HSPG2: variants seen among roughly 807,000 people sequenced by gnomAD.
HSPG2 encodes heparan sulfate proteoglycan 2.
In HSPG2, 278 loss-of-function variants were observed where a neutral mutation model predicts 526.6. The ratio of observed to expected loss-of-function variants is 0.53; its 90% CI spans 0.48 to 0.58. HSPG2 has a LOEUF of 0.58. HSPG2 is among the 20% of genes least tolerant of loss of function. The pLI, the probability that HSPG2 is intolerant of heterozygous loss-of-function variation, is 0.00. For synonymous variants in HSPG2, 2,465 were observed against 2,555.4 expected (o/e 0.96, Z 1.07); for missense variants, 5,354 against 6,099.5 (o/e 0.88, Z 4.07).
Position 21,888,526 on chromosome 1 carries a change from G to A in HSPG2, c.575-460C>T, listed in dbSNP as rs186549510. On this transcript the variant is annotated intron_variant, in intron 6 of 96. Transcript: ENST00000374695. Reference sequence around the variant, plus strand: ...TTGCTACGTTGCCCAAGCTGGTCTCGAACTCTTTGCCTCAAGCAATCCTCC... The same window carrying A: ...TTGCTACGTTGCCCAAGCTGGTCTCAAACTCTTTGCCTCAAGCAATCCTCC... 1.4e-4 allele frequency: 63 copies of A among 449,498 alleles called. No homozygotes were observed. In the Middle Eastern group the frequency reaches 5.4e-3, roughly 38 times the overall value. The allele number at this position is 449,498 out of a possible 1,614,324, so 27.8% of individuals were successfully genotyped here.
In HSPG2 at chr1:21,884,729, T is replaced by C. The variant is rs4654994; in HGVS notation, c.1507+38A>G. ...CCGGCTGTGGTGGGCAGCCCGGCTC[T>C]GCCCCCACACCCGGTGACACCTGCC... is the stretch of plus-strand genomic sequence containing the variant. On this transcript the variant is annotated intron_variant, in intron 12 of 96. Transcript: ENST00000374695. 1,490,629 of 1,611,110 alleles carry C rather than the reference T, an allele frequency of 0.93. 690,074 individuals are homozygous for C. Among genetic ancestry groups the C allele is most frequent in the East Asian group, 0.96 (42,979 of 44,736 alleles).
At position 21,857,326 on chromosome 1, in the gene HSPG2, G is replaced by A. The variant is rs1366740415; in HGVS notation, c.5353C>T (p.Pro1785Ser). ...CAGATGAAGGTGACGTCAGCTCCGG[G>A]GCGCACGCTCTGGCTCCGCTGCTCC... ...VEEQRSQSVR[P>S]GADVTFICTA... Residue 1785 changes from proline to serine, a missense_variant, in exon 43 of 97, where the codon CCC (proline) becomes TCC (serine). By Grantham distance (74) the Pro-to-Ser change is moderately conservative. Coordinates refer to ENST00000374695, the MANE Select transcript of HSPG2 (RefSeq NM_005529.7). 6.2e-7 allele frequency: 1 copy of A among 1,614,042 alleles called. No homozygotes were observed. The highest frequency in any genetic ancestry group is 1.1e-5 in the South Asian group (1 of 91,078).
At chr1:21,856,479 G>A (rs1178179984) in intron 44 of HSPG2, among the ~76,000 whole-genome samples, 2 of 152,008 alleles carry the variant, frequency 1.3e-5, no homozygotes, top group Non-Finnish European at 2.9e-5. Context: ...GTGCAGTGGC[G>A]CGATCTCGGC....
intron 54 of HSPG2, 29 bp downstream of exon 54, chr1:21,851,762 T>A: frequency 3.1e-6 from 5 of 1,613,980 alleles, no homozygotes; most frequent in Non-Finnish European, 4.2e-6. Flanking sequence ...GTTCTCTGCA[T>A]CCCAGCCCAG....
intron 30 of HSPG2, 138 bp from the exon 31 acceptor site, chr1:21,873,229 T>A (rs1251147980): frequency 8.7e-7 from 1 of 1,144,892 alleles, no homozygotes; most frequent in Non-Finnish European, 1.3e-6. Context: ...CCCTCGGAGG[T>A]GGTGGGGCCT....
Position 21,873,415 on chromosome 1 carries a change from A to G in HSPG2, c.3753T>C (p.Pro1251=). Residue 1251 remains proline, a synonymous_variant, in exon 30 of 97, where the codon CCT becomes CCC. Transcript: ENST00000374695. ...HSGRHCERCA[P]GYYGNPSQGQ... is the part of the protein sequence containing the mutation. ...CCTGGCTGGGGTTGCCATAGTAGCC[A>G]GGGGCGCACCTGCAGAGAGAAAAAG... 1 of 1,614,028 alleles carries G rather than the reference A, an allele frequency of 6.2e-7. No individual in the cohort carries two copies.
At chr1:21,924,868 C>T (rs1210940678) in intron 1 of HSPG2, among the ~76,000 whole-genome samples, 1 of 152,240 alleles carries the variant, frequency 6.6e-6, no homozygotes, top group East Asian at 1.9e-4. Context: ...CCAGCCAAAT[C>T]AGACTTGCTC....
At position 21,857,340 on chromosome 1, in the gene HSPG2, C is replaced by T; in HGVS notation, c.5339G>A (p.Ser1780Asn). The T allele has an allele frequency of 6.2e-7, 1 of 1,614,074 alleles. No individual in the cohort carries two copies. The highest frequency in any genetic ancestry group is 8.5e-7 in the Non-Finnish European group (1 of 1,180,024). The change falls in exon 43 of 97, where the codon AGC becomes AAC. Residue 1780 changes from serine (S) to asparagine (N), a missense_variant. Coordinates refer to ENST00000374695, the MANE Select transcript of HSPG2 (RefSeq NM_005529.7). ...PITVTVEEQR[S>N]QSVRPGADVT... The stretch of plus-strand genomic sequence containing the variant: ...GTCAGCTCCGGGGCGCACGCTCTGG[C>T]TCCGCTGCTCCTCCACAGTCACTGT...
At chr1:21,929,807 C>G (rs2152804297) in intron 1 of HSPG2, among the ~76,000 whole-genome samples, 1 of 152,226 alleles carries the variant, frequency 6.6e-6, no homozygotes, top group South Asian at 2.1e-4. Flanking sequence ...CACATCCAAC[C>G]CACTAGCAAA....
At position 21,834,835 on chromosome 1, in the gene HSPG2, A is replaced by T; in HGVS notation, c.10564T>A (p.Trp3522Arg). The change falls in exon 77 of 97, where the codon TGG becomes AGG. Residue 3522 changes from tryptophan (W) to arginine (R), a missense_variant. By Grantham distance (101) the Trp-to-Arg change is moderately radical. Coordinates refer to ENST00000374695, the MANE Select transcript of HSPG2 (RefSeq NM_005529.7). ...ALGDPKPQVT[W>R]SKVGGHLRPG... Reference sequence around the variant, plus strand: ...CGCAGGTGCCCTCCAACTTTGCTCCATGTCACCTGAGGCTTGGGGTCACCC... The same window carrying T: ...CGCAGGTGCCCTCCAACTTTGCTCCTTGTCACCTGAGGCTTGGGGTCACCC... 6.2e-7 allele frequency: 1 copy of T among 1,614,158 alleles called. No individual in the cohort carries two copies. Among genetic ancestry groups the T allele is most frequent in the Non-Finnish European group, 8.5e-7 (1 of 1,180,008 alleles).
At chr1:21,885,661 TC>T (rs1336182957) in intron 9 of HSPG2, among the ~76,000 whole-genome samples, 17 of 130,026 alleles carry the variant, frequency 1.3e-4, no homozygotes, top group African/African-American at 4.9e-4. Context: ...CCCCCACCCC[TC>T]ACTCCACCTG....
rs758465438 is a variant in HSPG2, at chr1:21,842,272, C to T, written c.9019G>A (p.Val3007Ile). 10 of 1,613,470 alleles carry T rather than the reference C, an allele frequency of 6.2e-6. No individual in the cohort carries two copies. In the East Asian group the frequency reaches 2.2e-4, roughly 36 times the overall value. The change falls in exon 68 of 97, where the codon GTC (valine) becomes ATC (isoleucine). Residue 3007 changes from valine to isoleucine, a missense_variant. Coordinates refer to ENST00000374695, the MANE Select transcript of HSPG2 (RefSeq NM_005529.7). The part of the protein sequence containing the change: ...PGPEQEASFT[V>I]TVPPSEGSSY... ...GACCCCTCACTGGGCGGGACGGTGA[C>T]TGTGAAGGAGGCTTCTTGCTCAGGG...
rs760417250 is a variant in HSPG2 at position 21,831,260 on chromosome 1, C to T, written c.11517G>A (p.Ala3839=). ...AGGTGGGGCAGTGGGAGATGCCGTG[C>T]GCCGTGAGGTTGAGGTCATGGAAGA... ...EIVFHDLNLT[A]HGISHCPTCR... The change falls in exon 84 of 97, where the codon GCG becomes GCA. Residue 3839 remains alanine (A), a synonymous_variant. Transcript: ENST00000374695. The T allele has an allele frequency of 5.5e-5, 89 of 1,613,884 alleles. No homozygotes were observed. Among genetic ancestry groups the T allele is most frequent in the Non-Finnish European group, 6.9e-5 (82 of 1,179,992 alleles).
At chr1:21,934,442 C>T (rs1479174087) in intron 1 of HSPG2, among the ~76,000 whole-genome samples, 1 of 152,180 alleles carries the variant, frequency 6.6e-6, no homozygotes, top group Non-Finnish European at 1.5e-5. Context: ...AGCCAGAAAC[C>T]GCAGCCCAGA....
Position 21,884,850 on chromosome 1 carries a change from C to T in HSPG2, c.1424G>A (p.Gly475Asp). The T allele has an allele frequency of 1.9e-6, 3 of 1,613,946 alleles. No individual in the cohort carries two copies. The highest frequency in any genetic ancestry group is 2.2e-5 in the East Asian group (1 of 44,882). ...GTTCATGGCCTCACAGGTGTAGGCA[C>T]CCTGGTCTGACTCCTTCACATCACG... ...IIRDVKESDQ[G>D]AYTCEAMNAR... Residue 475 changes from glycine to aspartate, a missense_variant, in exon 12 of 97, where the codon GGT becomes GAT. Gly to Asp is a moderately conservative substitution (Grantham distance 94). Coordinates refer to ENST00000374695, the MANE Select transcript of HSPG2 (RefSeq NM_005529.7).
Position 21,874,707 on chromosome 1 carries a change from CGT to C in HSPG2, c.3435_3436del (p.Arg1146HisfsTer11). The C allele has an allele frequency of 6.2e-7, 1 of 1,606,340 alleles. No individual in the cohort carries two copies. On this transcript the variant is annotated frameshift_variant, in exon 27 of 97. Coordinates refer to ENST00000374695, the MANE Select transcript of HSPG2 (RefSeq NM_005529.7). LOFTEE classifies it high-confidence loss of function. The stretch of plus-strand genomic sequence containing the variant: ...ACCCAGGTAGAGGCCACTGGGCGTG[CGT>C]GTGTAGCCTGTGTCACAGTCCTGGG...
In HSPG2 at chr1:21,893,895, A is replaced by G. The variant is rs1181931297; in HGVS notation, c.244+2027T>C. ...AAAAGAAAAAAAAAAAAGAACAGGCAGAGGGGAGAGAGGGAAAGACAGAGG... is the reference window on the plus strand; with the variant it reads ...AAAAGAAAAAAAAAAAAGAACAGGCGGAGGGGAGAGAGGGAAAGACAGAGG... On this transcript the variant is annotated intron_variant, in intron 3 of 96. Coordinates refer to ENST00000374695, the MANE Select transcript of HSPG2 (RefSeq NM_005529.7). This position sits in a 1 kb window ranked among gnomAD's most constrained non-coding sequence, Gnocchi z 4.3. 1.3e-5 allele frequency among the ~76,000 whole-genome samples: 2 copies of G among 151,732 alleles called. No homozygotes were observed. The highest frequency in any genetic ancestry group is 2.9e-5 in the Non-Finnish European group (2 of 67,864).
At chr1:21,921,559 C>T (rs941514051) in intron 1 of HSPG2, among the ~76,000 whole-genome samples, 1 of 152,186 alleles carries the variant, frequency 6.6e-6, no homozygotes, top group Non-Finnish European at 1.5e-5. Flanking sequence ...GCAGGGAACA[C>T]CGGACTACTG....
In HSPG2 at chr1:21,872,820, C is replaced by G. The variant is rs768007260; in HGVS notation, c.3889-60G>C. The stretch of plus-strand genomic sequence containing the variant: ...CTCAGTGGGTCTCCTGCACCCCCAG[C>G]AGCCTGAGGCCAGCCTCCCTGGCCA... On this transcript the variant is annotated intron_variant, in intron 31 of 96. Coordinates refer to ENST00000374695, the MANE Select transcript of HSPG2 (RefSeq NM_005529.7). This position sits in a 1 kb window ranked among gnomAD's most constrained non-coding sequence, Gnocchi z 5.5. The G allele has an allele frequency of 3.8e-6, 6 of 1,584,688 alleles. No individual in the cohort carries two copies. Among genetic ancestry groups the G allele is most frequent in the Admixed American group, 1.8e-5 (1 of 54,844 alleles).
Sources: allele counts gnomAD v4.1 joint callset (sites outside exome capture counted in the v4.1 genomes callset), GRCh38; gene constraint gnomAD v4.1.1; non-coding constraint Gnocchi (gnomAD v3.1); transcripts MANE v1.5; gene names NCBI Gene and HGNC (gene_info 2026-07-23, HGNC 2026-07-21).